Variants in EPHA2 observed in about 807,000 individuals in gnomAD.
EPHA2 encodes the protein EPH receptor A2.
EPHA2 carries 54 observed loss-of-function variants against 104.9 expected under a neutral mutation model. The observed-to-expected ratio is 0.51, with a 90% CI of 0.41 to 0.65. The LOEUF (loss-of-function observed/expected upper bound fraction) is 0.65, where lower values mean the gene tolerates loss of function less well. EPHA2 is among the 30% of genes least tolerant of loss of function. EPHA2 has a pLI of 0.00. For synonymous variants in EPHA2, 560 were observed against 559.1 expected (o/e 1.00, Z -0.02); for missense variants, 1,117 against 1,369.5 (o/e 0.82, Z 2.91).
chr1:16,133,645 G>A, intron 9 of EPHA2, 39 bp from the exon 10 acceptor site: 1 of 1,612,432 alleles, frequency 6.2e-7, no homozygotes, highest in South Asian at 1.1e-5. Context: ...CAGCTCAGGA[G>A]GGGCCCCATG....
At chr1:16,132,482 C>T in intron 11 of EPHA2, 43 bp from the exon 12 acceptor site, 4 of 1,609,144 alleles carry the variant, frequency 2.5e-6, no homozygotes, top group Non-Finnish European at 3.4e-6. Context: ...TGGGCCCAGG[C>T]ATGTGGGAGA....
chr1:16,151,070 G>C, intron 1 of EPHA2, 107 bp from the exon 2 acceptor site: 1 of 1,050,646 alleles, frequency 9.5e-7, no homozygotes, highest in South Asian at 1.3e-5. Context: ...CAGACAGAGC[G>C]AGAGGGACCC....
Position 16,130,227 on chromosome 1 carries a change from G to T in EPHA2, c.2668C>A (p.Arg890Ser). The T allele has an allele frequency of 5.0e-6, 8 of 1,614,138 alleles. No homozygotes were observed. Among genetic ancestry groups the T allele is most frequent in the Non-Finnish European group, 6.8e-6 (8 of 1,180,002 alleles). ...ATGGGCAGAGGGCATAGAACTCACCGGGGGTCAAAGTCAGCCAGGGTCTTG... is the reference window on the plus strand; with the variant it reads ...ATGGGCAGAGGGCATAGAACTCACCTGGGGTCAAAGTCAGCCAGGGTCTTG... ...SLKTLADFDP[R>S]VSIRLPSTSG... Residue 890 changes from arginine (R) to serine (S), a missense_variant and splice_region_variant, in exon 15 of 17, where the codon CGC (arginine) becomes AGC (serine). Coordinates refer to ENST00000358432, the MANE Select transcript of EPHA2 (RefSeq NM_004431.5). This position sits in a 1 kb window ranked among gnomAD's most constrained non-coding sequence, Gnocchi z 4.5.
Position 16,133,610 on chromosome 1 carries a change from G to A in EPHA2, c.1739-4C>T, listed in dbSNP as rs1445947805. The A allele has an allele frequency of 6.2e-7, 1 of 1,613,922 alleles. No homozygotes were observed. Among genetic ancestry groups the A allele is most frequent in the South Asian group, 1.1e-5 (1 of 91,082 alleles). ...GTCTTCAGGGGCTTCAGTTGTTCTG[G>A]AAGGAGAAGGGGTGGGGTCACAGGC... On this transcript the variant is annotated splice_polypyrimidine_tract_variant and splice_region_variant and intron_variant, in intron 9 of 16. Transcript: ENST00000358432.
rs1271241648 is a variant in EPHA2, at chr1:16,150,987, G to A, written c.86-24C>T. Reference sequence around the variant, plus strand: ...CACTGAAAGGGAGAAGGGAGAGGGGGTGAGCCTGGGGGTGTCTTCAGGAGT... The same window carrying A: ...CACTGAAAGGGAGAAGGGAGAGGGGATGAGCCTGGGGGTGTCTTCAGGAGT... On this transcript the variant is annotated intron_variant, in intron 1 of 16. Transcript: ENST00000358432. The surrounding 1 kb of genome is among the most constrained non-coding windows in gnomAD (Gnocchi z 4.8). The A allele has an allele frequency of 3.7e-6, 6 of 1,613,384 alleles. No homozygotes were observed. Among genetic ancestry groups the A allele is most frequent in the Non-Finnish European group, 5.1e-6 (6 of 1,179,606 alleles).
chr1:16,137,981 G>C lies in EPHA2; in HGVS notation c.1184C>G (p.Thr395Ser), dbSNP rs781013206. ...CTCCAGGTCGCTCACTGTCACACTG[G>C]TGCGGGTCAGTCCGTGAGGAGGCTC... The part of the protein sequence containing the change: ...YSEPPHGLTR[T>S]SVTVSDLEPH... The change falls in exon 5 of 17, where the codon ACC becomes AGC. Residue 395 changes from threonine to serine, a missense_variant. Transcript: ENST00000358432. 1 of 1,614,044 alleles carries C rather than the reference G, an allele frequency of 6.2e-7. No individual in the cohort carries two copies. Among genetic ancestry groups the C allele is most frequent in the Non-Finnish European group, 8.5e-7 (1 of 1,180,050 alleles).
intron 9 of EPHA2, 48 bp from the exon 10 acceptor site, chr1:16,133,654 TG>T (rs1388861879): frequency 6.2e-6 from 10 of 1,611,106 alleles, no homozygotes; most frequent in Non-Finnish European, 7.6e-6. Context: ...AGGGGCCCCA[TG>T]GGGGGTGCTC....
chr1:16,152,929 G>A (rs770054102), intron 1 of EPHA2, among the ~76,000 whole-genome samples: 25 of 152,144 alleles, frequency 1.6e-4, no homozygotes, highest in Non-Finnish European at 3.4e-4. Context: ...GGAACAGGAG[G>A]CGCCCAGCGC....
rs749619914 is a variant in EPHA2, at chr1:16,138,278, T to C, written c.976A>G (p.Thr326Ala). 7.4e-6 allele frequency: 12 copies of C among 1,613,326 alleles called. No individual in the cohort carries two copies. In the African/African-American group the frequency reaches 1.6e-4, roughly 22 times the overall value. The change falls in exon 4 of 17, where the codon ACA (threonine) becomes GCA (alanine). Residue 326 changes from threonine (T) to alanine (A), a missense_variant. Physicochemically the swap from Thr to Ala is moderately conservative, Grantham distance 58. Coordinates refer to ENST00000358432, the MANE Select transcript of EPHA2 (RefSeq NM_004431.5). Reference sequence around the variant, plus strand: ...CCTGACCCACTGCAAGACTCACGTGTGCAAGGCATCGACGCTGGGTCCTGA... The same window carrying C: ...CCTGACCCACTGCAAGACTCACGTGCGCAAGGCATCGACGCTGGGTCCTGA... ...APQDPASMPCTRPPSAPHYLT... is the reference protein window; with the variant it reads ...APQDPASMPCARPPSAPHYLT...
In EPHA2 at chr1:16,133,834, G is replaced by C. The variant is rs1342597653; in HGVS notation, c.1738+26C>G. 3 of 1,538,162 alleles carry C rather than the reference G, an allele frequency of 2.0e-6. No individual in the cohort carries two copies. In the East Asian group the frequency reaches 7.4e-5, roughly 38 times the overall value. ...GCTGGGGACGGTGCGGGCAGGGCTGGGCCTGGAGCGGGGGCTGCGTCTCAC... is the reference window on the plus strand; with the variant it reads ...GCTGGGGACGGTGCGGGCAGGGCTGCGCCTGGAGCGGGGGCTGCGTCTCAC... On this transcript the variant is annotated intron_variant, in intron 9 of 16. Coordinates refer to ENST00000358432, the MANE Select transcript of EPHA2 (RefSeq NM_004431.5).
rs1293392436 is a variant in EPHA2, at chr1:16,131,657, T to C, written c.2475+64A>G. On this transcript the variant is annotated intron_variant, in intron 14 of 16. Transcript: ENST00000358432. The surrounding 1 kb of genome is among the most constrained non-coding windows in gnomAD (Gnocchi z 5.2). Reference sequence around the variant, plus strand: ...ACTGTCCTCTGCCCAGCCCCTGCAGTTTGAGATGAGTAAAGGGCTTGAGTT... The same window carrying C: ...ACTGTCCTCTGCCCAGCCCCTGCAGCTTGAGATGAGTAAAGGGCTTGAGTT... 3 of 1,604,632 alleles carry C rather than the reference T, an allele frequency of 1.9e-6. No homozygotes were observed. The African/African-American group carries it at 4.0e-5, about 22-fold the overall frequency.
intron 16 of EPHA2, among the ~76,000 whole-genome samples, chr1:16,126,647 G>T (rs1015775310): frequency 6.6e-6 from 1 of 152,206 alleles, no homozygotes; most frequent in East Asian, 1.9e-4. Context: ...CACACTTGAA[G>T]GTCTCAAATT....
At position 16,133,527 on chromosome 1, in the gene EPHA2, G is replaced by A. The variant is rs376860830; in HGVS notation, c.1818C>T (p.Thr606=). The A allele has an allele frequency of 1.2e-5, 20 of 1,613,998 alleles. No homozygotes were observed. Among genetic ancestry groups the A allele is most frequent in the African/African-American group, 6.7e-5 (5 of 74,910 alleles). The change falls in exon 10 of 17, where the codon ACC becomes ACT. Residue 606 remains threonine, a synonymous_variant. Coordinates refer to ENST00000358432, the MANE Select transcript of EPHA2 (RefSeq NM_004431.5). The part of the protein sequence containing the change: ...DPNQAVLKFT[T]EIHPSCVTRQ... ...GAGTGACACAGGATGGATGGATCTC[G>A]GTAGTGAACTTCAACACAGCCTGGT...
rs1288825639 is a variant in EPHA2 at position 16,148,436 on chromosome 1, C to T, written c.765G>A (p.Val255=). The T allele has an allele frequency of 7.4e-6, 12 of 1,613,550 alleles. No individual in the cohort carries two copies. Among genetic ancestry groups the T allele is most frequent in the Non-Finnish European group, 1.0e-5 (12 of 1,180,044 alleles). ...CCTGGCACAGGCACTGCCCAATGGG[C>T]ACCAGCCACTCGCCATCCACTGCAC... ...MHCAVDGEWL[V]PIGQCLCQAG... is the part of the protein sequence containing the mutation. The change falls in exon 3 of 17, where the codon GTG becomes GTA. Residue 255 remains valine (V), a synonymous_variant. Coordinates refer to ENST00000358432, the MANE Select transcript of EPHA2 (RefSeq NM_004431.5). The surrounding 1 kb of genome is among the most constrained non-coding windows in gnomAD (Gnocchi z 4.9).
Position 16,139,752 on chromosome 1 carries a change from G to A in EPHA2, c.824-1322C>T, listed in dbSNP as rs117475511. 1.2e-3 allele frequency among the ~76,000 whole-genome samples: 180 copies of A among 152,280 alleles called. 4 individuals carry two copies. In the East Asian group the frequency reaches 0.031, roughly 26 times the overall value. ...ACGGAAGGTATGAGTGGGTTTGTGG[G>A]CACAAATGTGGGGAGCAGCAAGCAA... On this transcript the variant is annotated intron_variant, in intron 3 of 16. Transcript: ENST00000358432.
rs149692543 is a variant in EPHA2, at chr1:16,125,309, C to T, written c.2837G>A (p.Arg946Lys). The T allele has an allele frequency of 1.5e-4, 240 of 1,556,002 alleles. 1 individual carries two copies. Among genetic ancestry groups the T allele is most frequent in the Non-Finnish European group, 2.0e-4 (230 of 1,143,212 alleles). The change falls in exon 17 of 17, where the codon AGG becomes AAG. Residue 946 changes from arginine (R) to lysine (K), a missense_variant. By Grantham distance (26) the Arg-to-Lys change is conservative. Coordinates refer to ENST00000358432, the MANE Select transcript of EPHA2 (RefSeq NM_004431.5). The surrounding 1 kb of genome is among the most constrained non-coding windows in gnomAD (Gnocchi z 4.9). The part of the protein sequence containing the change: ...VVQMTNDDIK[R>K]IGVRLPGHQK... The stretch of plus-strand genomic sequence containing the variant: ...GTGGCCGGGCAGCCGCACCCCAATC[C>T]TCTTGATGTCGCTGTGGGCCGGGAG...
chr1:16,133,501 C>G lies in EPHA2; in HGVS notation c.1844G>C (p.Arg615Pro), dbSNP rs371964322. ...CTCACCTGCTCCGATCACCTTCTGC[C>G]GAGTGACACAGGATGGATGGATCTC... The part of the protein sequence containing the change: ...TTEIHPSCVT[R>P]QKVIGAGEFG... Residue 615 changes from arginine (R) to proline (P), a missense_variant, in exon 10 of 17, where the codon CGG becomes CCG. Arg to Pro is a moderately radical substitution (Grantham distance 103). Coordinates refer to ENST00000358432, the MANE Select transcript of EPHA2 (RefSeq NM_004431.5). 2.5e-6 allele frequency: 4 copies of G among 1,613,998 alleles called. No individual in the cohort carries two copies. In the South Asian group the frequency reaches 3.3e-5, roughly 13 times the overall value.
chr1:16,129,892 C>T (rs910879260), intron 15 of EPHA2, among the ~76,000 whole-genome samples: 4 of 152,218 alleles, frequency 2.6e-5, no homozygotes, highest in African/African-American at 9.6e-5. Flanking sequence ...CCCAGCCTGA[C>T]CACTTCCAGC....
Position 16,149,039 on chromosome 1 carries a change from C to T in EPHA2, c.162G>A (p.Leu54=). The T allele has an allele frequency of 4.3e-6, 7 of 1,613,054 alleles. No individual in the cohort carries two copies. The highest frequency in any genetic ancestry group is 5.9e-6 in the Non-Finnish European group (7 of 1,180,032). The change falls in exon 3 of 17, where the codon CTG becomes CTA. Residue 54 remains leucine (L), a synonymous_variant. Transcript: ENST00000358432. The part of the protein sequence containing the change: ...LTHPYGKGWD[L]MQNIMNDMPI... ...GCATGTCATTCATGATGTTCTGCAT[C>T]AGGTCCCACTGTGGGGGGAAGATAC...
Sources: allele counts gnomAD v4.1 joint callset (sites outside exome capture counted in the v4.1 genomes callset), GRCh38; gene constraint gnomAD v4.1.1; non-coding constraint Gnocchi (gnomAD v3.1); transcripts MANE v1.5; gene names NCBI Gene and HGNC (gene_info 2026-07-23, HGNC 2026-07-21).